The following MBD5 variants were observed in gnomAD, a reference collection of about 807,000 sequenced individuals.
MBD5 encodes the protein methyl-CpG-binding domain protein 5.
A neutral mutation model predicts 117.3 loss-of-function variants in MBD5; 13 were observed. The ratio of observed to expected loss-of-function variants is 0.11; its 90% CI spans 0.07 to 0.18. The LOEUF (loss-of-function observed/expected upper bound fraction) is 0.18. MBD5 is among the 10% of genes least tolerant of loss of function. The probability of loss-of-function intolerance (pLI) is 1.00; values close to 1 mark genes in which losing one functional copy is unlikely to be tolerated. For missense variants in MBD5, 1,879 were observed against 2,093.8 expected, an observed-to-expected ratio of 0.90 and a Z score of 2.00; for synonymous variants, 727 against 766.4, an observed-to-expected ratio of 0.95 and a Z score of 0.85.
Position 148,468,867 on chromosome 2 carries a change from A to C in MBD5, c.924A>C (p.Pro308=), listed in dbSNP as rs778385281. The change falls in exon 8 of 14, where the codon CCA becomes CCC. Residue 308 remains proline (P), a synonymous_variant. Coordinates refer to ENST00000642680, the MANE Select transcript of MBD5 (RefSeq NM_001378120.1). ...CCCCAACCTTGACTACAAAGAGTCC[A>C]GTAATGAAAAAACCAATGTGTAATT... ...PLSPTLTTKS[P]VMKKPMCNFS... is the part of the protein sequence containing the mutation. The C allele has an allele frequency of 1.7e-5, 27 of 1,614,012 alleles. No homozygotes were observed. The highest frequency in any genetic ancestry group is 2.1e-5 in the Non-Finnish European group (25 of 1,179,936).
chr2:148,102,758 A>G (rs1696263395), intron 1 of MBD5, among the ~76,000 whole-genome samples: 8 of 111,846 alleles, frequency 7.2e-5, no homozygotes, highest in African/African-American at 2.5e-4. Context: ...AGAGAGAGAG[A>G]GAGGAAGAGA....
intron 4 of MBD5, among the ~76,000 whole-genome samples, chr2:148,368,619 A>G (rs1016317276): frequency 2.2e-4 from 34 of 152,310 alleles, no homozygotes; most frequent in African/African-American, 8.2e-4. Context: ...GTCTTGTGTT[A>G]ACGTAGTCCC....
intron 1 of MBD5, among the ~76,000 whole-genome samples, chr2:148,159,043 A>T (rs1173973707): frequency 6.6e-6 from 1 of 152,170 alleles, no homozygotes; most frequent in East Asian, 1.9e-4. Context: ...TGTAATCTTT[A>T]TAAAAACACG....
intron 4 of MBD5, among the ~76,000 whole-genome samples, chr2:148,402,511 CCTCCCTCCTA>C (rs1169710639): frequency 6.6e-6 from 1 of 152,056 alleles, no homozygotes; most frequent in Admixed American, 6.6e-5. Context: ...CCTTCTAATT[CCTCCCTCCTA>C]CTTCTCCCCA....
At chr2:148,350,402 T>C (rs1703222824) in intron 4 of MBD5, among the ~76,000 whole-genome samples, 1 of 152,016 alleles carries the variant, frequency 6.6e-6, no homozygotes, top group Admixed American at 6.6e-5. Context: ...TAAAAAGATA[T>C]TCTGATAACA....
At chr2:148,156,607 C>G (rs74885724) in intron 1 of MBD5, among the ~76,000 whole-genome samples, 2,009 of 152,302 alleles carry the variant, frequency 0.013, 30 homozygotes, top group African/African-American at 0.046. Flanking sequence ...TGTTTAACTT[C>G]TCCACTAGTG....
chr2:148,445,746 C>T (rs1200901020), intron 4 of MBD5, among the ~76,000 whole-genome samples: 1 of 151,338 alleles, frequency 6.6e-6, no homozygotes, highest in African/African-American at 2.5e-5. Flanking sequence ...AGTTTACAGT[C>T]CCACCAACAG....
At chr2:148,147,576 C>T (rs1318772350) in intron 1 of MBD5, among the ~76,000 whole-genome samples, 1 of 152,138 alleles carries the variant, frequency 6.6e-6, no homozygotes, top group Non-Finnish European at 1.5e-5. Context: ...TAACTGTCAA[C>T]TCTAAAAATT....
intron 1 of MBD5, among the ~76,000 whole-genome samples, chr2:148,161,157 CT>C (rs1266613262): frequency 6.6e-6 from 1 of 152,186 alleles, no homozygotes; most frequent in African/African-American, 2.4e-5. Flanking sequence ...GAAATTACTA[CT>C]CTTTAATAAA....
rs1681263582 is a variant in MBD5, at chr2:148,484,231, A to G, written c.3544+96A>G. ...AACTCCATTTTGTCACACTATTTTTAAAAATGTTTTTGTTATGTCACAGCT... is the reference window on the plus strand; with the variant it reads ...AACTCCATTTTGTCACACTATTTTTGAAAATGTTTTTGTTATGTCACAGCT... On this transcript the variant is annotated intron_variant, in intron 9 of 13. Transcript: ENST00000642680. 4.5e-6 allele frequency: 5 copies of G among 1,116,812 alleles called. No homozygotes were observed. In the South Asian group the frequency reaches 7.1e-5, roughly 16 times the overall value. The allele number at this position is 1,116,812 out of a possible 1,614,324, so 69.2% of individuals were successfully genotyped here. A position where few individuals can be genotyped will look rare whatever the true frequency, so the allele number is the denominator to read the frequency against.
chr2:148,052,121 G>T (rs1249095002), intron 1 of MBD5, among the ~76,000 whole-genome samples: 2 of 150,398 alleles, frequency 1.3e-5, no homozygotes, highest in Non-Finnish European at 3.0e-5. Flanking sequence ...TGCTTTTGTG[G>T]GTTTATTTTT....
chr2:148,114,356 G>A (rs746104728), intron 1 of MBD5, among the ~76,000 whole-genome samples: 8 of 152,044 alleles, frequency 5.3e-5, no homozygotes, highest in African/African-American at 1.2e-4. Context: ...TGTAATCTCC[G>A]CTTCTCGGGA....
At chr2:148,026,309 A>G (rs1693890985) in intron 1 of MBD5, 1 of 152,198 alleles carries the variant, frequency 6.6e-6, no homozygotes, top group African/African-American at 2.4e-5. Flanking sequence ...CGATGGTAAA[A>G]TTATGGCCCT....
chr2:148,170,003 T>A (rs1558956857), intron 1 of MBD5, among the ~76,000 whole-genome samples: 1 of 152,078 alleles, frequency 6.6e-6, no homozygotes, highest in African/African-American at 2.4e-5. Flanking sequence ...GTTCACGCCA[T>A]TCTCCCGCCT....
At position 148,489,879 on chromosome 2, in the gene MBD5, A is replaced by G. The variant is rs781565307; in HGVS notation, c.4247A>G (p.Glu1416Gly). The change falls in exon 11 of 14, where the codon GAA becomes GGA. Residue 1416 changes from glutamate to glycine, a missense_variant. By Grantham distance (98) the Glu-to-Gly change is moderately conservative. Coordinates refer to ENST00000642680, the MANE Select transcript of MBD5 (RefSeq NM_001378120.1). ...AATGTGAACGAAGGAGATGGGTTTG[A>G]ATATTTCAAGTCAGCAAGTTGCCAC... ...GKNVNEGDGF[E>G]YFKSASCHTS... 1 of 1,614,156 alleles carries G rather than the reference A, an allele frequency of 6.2e-7. No homozygotes were observed. The highest frequency in any genetic ancestry group is 1.1e-5 in the South Asian group (1 of 91,080).
chr2:148,261,142 T>C (rs1240665404), intron 3 of MBD5, among the ~76,000 whole-genome samples: 3 of 152,220 alleles, frequency 2.0e-5, no homozygotes, highest in African/African-American at 7.2e-5. Flanking sequence ...AGCATAATTC[T>C]TAAGGGCCCT....
chr2:148,042,769 A>C (rs1694400318), intron 1 of MBD5, among the ~76,000 whole-genome samples: 2 of 152,188 alleles, frequency 1.3e-5, no homozygotes, highest in African/African-American at 4.8e-5. Context: ...CTGCAGAGTT[A>C]CTACCTGTAC....
At chr2:148,244,852 T>C (rs1180455370) in intron 3 of MBD5, among the ~76,000 whole-genome samples, 1 of 152,148 alleles carries the variant, frequency 6.6e-6, no homozygotes, top group East Asian at 1.9e-4. Flanking sequence ...GAGTGAGACA[T>C]GCGAGGTTTT....
chr2:148,114,641 GA>G (rs2105367358), intron 1 of MBD5, among the ~76,000 whole-genome samples: 1 of 152,264 alleles, frequency 6.6e-6, no homozygotes, highest in East Asian at 1.9e-4. Flanking sequence ...TCAGCATGCT[GA>G]AAAATTGTTG....
Sources: allele counts gnomAD v4.1 joint callset (sites outside exome capture counted in the v4.1 genomes callset), GRCh38; gene constraint gnomAD v4.1.1; transcripts MANE v1.5; gene names NCBI Gene and HGNC (gene_info 2026-07-23, HGNC 2026-07-21).